The following SEMA3C variants were observed in gnomAD, a reference collection of about 807,000 sequenced individuals.
The protein encoded by SEMA3C is semaphorin 3C.
In SEMA3C, 47 loss-of-function variants were observed where a neutral mutation model predicts 89.4. The observed-to-expected ratio is 0.53, with a 90% CI of 0.42 to 0.67. The LOEUF (loss-of-function observed/expected upper bound fraction) is 0.67. Ranked by LOEUF, SEMA3C falls within the 30% of genes least tolerant of loss-of-function variation. The pLI, the probability that SEMA3C is intolerant of heterozygous loss-of-function variation, is 0.00. For synonymous variants in SEMA3C, 310 were observed against 320.2 expected (o/e 0.97, Z 0.34); for missense variants, 839 against 929.1 (o/e 0.90, Z 1.26).
intron 2 of SEMA3C, among the ~76,000 whole-genome samples, chr7:80,841,117 G>A (rs1458890063): frequency 6.6e-6 from 1 of 151,978 alleles, no homozygotes; most frequent in Non-Finnish European, 1.5e-5. Flanking sequence ...CAAACCATAG[G>A]GGTTGAATTT....
chr7:80,873,208 G>C (rs984149385), intron 2 of SEMA3C, among the ~76,000 whole-genome samples: 1 of 152,202 alleles, frequency 6.6e-6, no homozygotes, highest in African/African-American at 2.4e-5. Context: ...AACTTGAAGA[G>C]AGCCACTGTG....
At chr7:80,860,069 T>G (rs1790735008) in intron 2 of SEMA3C, among the ~76,000 whole-genome samples, 1 of 152,146 alleles carries the variant, frequency 6.6e-6, no homozygotes, top group Non-Finnish European at 1.5e-5. Flanking sequence ...ATATCTTAGT[T>G]CTTCTAAAAT....
intron 2 of SEMA3C, among the ~76,000 whole-genome samples, chr7:80,839,680 A>G (rs1436801655): frequency 6.6e-6 from 1 of 152,130 alleles, no homozygotes; most frequent in Non-Finnish European, 1.5e-5. Context: ...ATTTATAGCA[A>G]AGTCCTTGGA....
Position 80,789,378 on chromosome 7 carries a change from TGTA to T in SEMA3C, c.1279_1281del (p.Tyr427del), listed in dbSNP as rs766212735. The T allele has an allele frequency of 1.2e-5, 19 of 1,613,976 alleles. No homozygotes were observed. The African/African-American group carries it at 2.5e-4, about 22-fold the overall frequency. On this transcript the variant is annotated inframe_deletion, in exon 12 of 18. Transcript: ENST00000265361. ...CGATCCACAGCTATCTTTGTATACT[TGTA>T]GTCAGTGCCAATACGAACAATCAAA...
chr7:80,883,230 C>T (rs530235225), intron 2 of SEMA3C, among the ~76,000 whole-genome samples: 151 of 152,282 alleles, frequency 9.9e-4, no homozygotes, highest in South Asian at 8.3e-4. Flanking sequence ...AATCAACAGC[C>T]TCCTTCTAAA....
At chr7:80,816,228 G>A (rs573386441) in intron 5 of SEMA3C, 113 of 152,232 alleles carry the variant, frequency 7.4e-4, no homozygotes, top group African/African-American at 2.5e-3. Flanking sequence ...TATTCCCCTA[G>A]AACCAATGAA....
At chr7:80,864,359 C>T (rs962125000) in intron 2 of SEMA3C, among the ~76,000 whole-genome samples, 4 of 151,154 alleles carry the variant, frequency 2.6e-5, no homozygotes, top group African/African-American at 9.7e-5. Context: ...ACTCATATAA[C>T]CAAATATCAC....
rs992720223 is a variant in SEMA3C at position 80,751,390 on chromosome 7, C to T, written c.1644-54G>A. 7.5e-6 allele frequency: 11 copies of T among 1,471,686 alleles called. No individual in the cohort carries two copies. In the South Asian group the frequency reaches 9.1e-5, roughly 12 times the overall value. The allele number at this position is 1,471,686 out of a possible 1,614,324, so 91.2% of individuals were successfully genotyped here. ...CTGAGAATTATCACTGCCAATTACA[C>T]CACTCTTAAAACACTGTAATTTTAA... On this transcript the variant is annotated intron_variant, in intron 15 of 17. Coordinates refer to ENST00000265361, the MANE Select transcript of SEMA3C (RefSeq NM_006379.5).
chr7:80,746,827 C>T (rs535096654), intron 17 of SEMA3C, among the ~76,000 whole-genome samples: 1 of 151,328 alleles, frequency 6.6e-6, no homozygotes, highest in South Asian at 2.1e-4. Flanking sequence ...GGAATAAAAA[C>T]TGAGTAAGTT....
intron 11 of SEMA3C, among the ~76,000 whole-genome samples, chr7:80,791,582 G>T (rs1788941463): frequency 6.6e-6 from 1 of 152,108 alleles, no homozygotes; most frequent in Admixed American, 6.6e-5. Context: ...GTGACAAACT[G>T]GGGAGTTACG....
At chr7:80,766,076 T>C (rs560002874) in intron 12 of SEMA3C, among the ~76,000 whole-genome samples, 20 of 152,336 alleles carry the variant, frequency 1.3e-4, no homozygotes, top group African/African-American at 4.8e-4. Context: ...TGTGATGGAC[T>C]TTCGACATGG....
Position 80,800,879 on chromosome 7 carries a change from T to C in SEMA3C, c.917-53A>G, listed in dbSNP as rs190588935. 402 of 1,200,590 alleles carry C rather than the reference T, an allele frequency of 3.3e-4. 1 individual carries two copies. In the African/African-American group the frequency reaches 5.5e-3, roughly 16 times the overall value. 74.4% of individuals were successfully genotyped at this position (1,200,590 alleles called of 1,614,324 possible). A position where few individuals can be genotyped will look rare whatever the true frequency, so the allele number is the denominator to read the frequency against. ...GTTTCTAAATATTAACTTCTTTGTT[T>C]TGAAAAATTTACCCTAAGAAAATAA... On this transcript the variant is annotated intron_variant, in intron 9 of 17. Coordinates refer to ENST00000265361, the MANE Select transcript of SEMA3C (RefSeq NM_006379.5).
At chr7:80,855,197 A>G (rs1227973995) in intron 2 of SEMA3C, among the ~76,000 whole-genome samples, 2 of 152,222 alleles carry the variant, frequency 1.3e-5, no homozygotes, top group East Asian at 1.9e-4. Context: ...GGAGAAAGCT[A>G]GCAGTAATTA....
At position 80,828,584 on chromosome 7, in the gene SEMA3C, C is replaced by T. The variant is rs1463755264; in HGVS notation, c.264+1G>A. 6.2e-7 allele frequency: 1 copy of T among 1,602,450 alleles called. No homozygotes were observed. Among genetic ancestry groups the T allele is most frequent in the African/African-American group, 1.3e-5 (1 of 74,694 alleles). On this transcript the variant is annotated splice_donor_variant, in intron 3 of 17. Coordinates refer to ENST00000265361, the MANE Select transcript of SEMA3C (RefSeq NM_006379.5). LOFTEE classifies it high-confidence loss of function. ...TGTCCTCGTGAAAGTGATAAACTTA[C>T]ACTCAAAGCTTCTTGACTTATATTG...
chr7:80,891,184 A>G (rs527333844), intron 2 of SEMA3C, among the ~76,000 whole-genome samples: 3 of 152,194 alleles, frequency 2.0e-5, no homozygotes, highest in Admixed American at 6.5e-5. Context: ...GCATTTTGTG[A>G]TATTTGGTTA....
At chr7:80,776,326 CAAT>C (rs970671487) in intron 12 of SEMA3C, among the ~76,000 whole-genome samples, 1 of 151,562 alleles carries the variant, frequency 6.6e-6, no homozygotes, top group Non-Finnish European at 1.5e-5. Flanking sequence ...CCAGAATCTG[CAAT>C]AATGTCCTCT....
At chr7:80,792,689 CTTTT>C (rs1157571688) in intron 11 of SEMA3C, among the ~76,000 whole-genome samples, 1 of 152,126 alleles carries the variant, frequency 6.6e-6, no homozygotes, top group Admixed American at 6.6e-5. Flanking sequence ...CTCCACAAGA[CTTTT>C]TTTAATACTC....
chr7:80,827,016 T>C (rs1169731929), intron 4 of SEMA3C, among the ~76,000 whole-genome samples: 3 of 152,152 alleles, frequency 2.0e-5, no homozygotes, highest in African/African-American at 7.2e-5. Context: ...ATTTATGGAA[T>C]TTGCTGGCTA....
At chr7:80,905,363 AC>A (rs943741079) in intron 2 of SEMA3C, among the ~76,000 whole-genome samples, 1 of 145,824 alleles carries the variant, frequency 6.9e-6, no homozygotes, top group Non-Finnish European at 1.5e-5. Context: ...AGACACCAAG[AC>A]CCCTACCACC....
Sources: gnomAD v4.1 joint callset for allele counts (sites outside exome capture counted in the v4.1 genomes callset) on GRCh38, gnomAD v4.1.1 for gene constraint, MANE v1.5 for transcripts, NCBI Gene and HGNC (gene_info 2026-07-23, HGNC 2026-07-21) for gene names.